Variants in RIMS1 observed in about 807,000 individuals in gnomAD.
The protein encoded by RIMS1 is regulating synaptic membrane exocytosis protein 1.
In RIMS1, 83 loss-of-function variants were observed where a neutral mutation model predicts 214.1. The observed-to-expected ratio is 0.39, with a 90% CI of 0.32 to 0.47. The LOEUF is 0.47. Among genes scored for constraint, RIMS1 ranks in the 20% least tolerant of loss-of-function variants. The pLI is 0.99. For synonymous variants in RIMS1, 793 were observed against 786.8 expected (o/e 1.01, Z -0.13); for missense variants, 2,050 against 2,161.8 (o/e 0.95, Z 1.03).
At chr6:72,286,901 G>A (rs1468606125) in intron 24 of RIMS1, among the ~76,000 whole-genome samples, 2 of 152,160 alleles carry the variant, frequency 1.3e-5, no homozygotes, top group African/African-American at 4.8e-5. Context: ...ATGACAGATA[G>A]CCTTTTAAGA....
Position 71,922,426 on chromosome 6 carries a change from G to A in RIMS1, c.164+35239G>A, listed in dbSNP as rs541280358. Among the ~76,000 whole-genome samples, 3 of 152,234 alleles carry A rather than the reference G, an allele frequency of 2.0e-5. No individual in the cohort carries two copies. The East Asian group carries it at 5.8e-4, about 29-fold the overall frequency. ...ACTCATGCCATATTTGTCTTTCTGT[G>A]TGTGGCTTATTTTTGAGGCAGGTGG... On this transcript the variant is annotated intron_variant, in intron 1 of 33. Coordinates refer to ENST00000521978, the MANE Select transcript of RIMS1 (RefSeq NM_014989.7).
chr6:72,176,090 TTGTG>T (rs939309820), intron 4 of RIMS1, among the ~76,000 whole-genome samples: 2 of 152,172 alleles, frequency 1.3e-5, no homozygotes, highest in Non-Finnish European at 2.9e-5. Context: ...TGAATTGAGT[TTGTG>T]TGTGATTGCT....
At chr6:72,245,749 G>T (rs1341966946) in intron 10 of RIMS1, 66 bp from the exon 11 acceptor site, 2 of 1,223,170 alleles carry the variant, frequency 1.6e-6, no homozygotes, top group Non-Finnish European at 2.4e-6. Context: ...ACGTATAATG[G>T]GCTATGATTG....
intron 2 of RIMS1, among the ~76,000 whole-genome samples, chr6:72,071,427 A>G (rs531655732): frequency 6.6e-6 from 1 of 152,162 alleles, no homozygotes; most frequent in South Asian, 2.1e-4. Context: ...AAGAAAGAAA[A>G]CTTGGAGAAA....
Position 72,083,591 on chromosome 6 carries a change from C to T in RIMS1, c.246-13358C>T, listed in dbSNP as rs1319242347. Among the ~76,000 whole-genome samples the T allele has an allele frequency of 2.0e-5, 3 of 152,194 alleles. No individual in the cohort carries two copies. The East Asian group carries it at 5.8e-4, about 29-fold the overall frequency. On this transcript the variant is annotated intron_variant, in intron 2 of 33. Coordinates refer to ENST00000521978, the MANE Select transcript of RIMS1 (RefSeq NM_014989.7). The stretch of plus-strand genomic sequence containing the variant: ...AAATCCTGCCAGTCATCACTGCCTC[C>T]CAAAGTTATCAGCTAAGTGTACTCA...
intron 4 of RIMS1, among the ~76,000 whole-genome samples, chr6:72,132,336 C>T (rs1185815594): frequency 6.6e-6 from 1 of 152,212 alleles, no homozygotes. Context: ...GATATCTTCA[C>T]AATCCATGTT....
chr6:72,332,089 ATCC>A (rs2096679870), intron 28 of RIMS1, among the ~76,000 whole-genome samples: 1 of 151,844 alleles, frequency 6.6e-6, no homozygotes, highest in Non-Finnish European at 1.5e-5. Flanking sequence ...TTGTTACATA[ATCC>A]CAACACTTTC....
intron 2 of RIMS1, among the ~76,000 whole-genome samples, chr6:71,995,710 C>T (rs1803212594): frequency 6.6e-6 from 1 of 152,124 alleles, no homozygotes; most frequent in South Asian, 2.1e-4. Flanking sequence ...TGGCTGCCAT[C>T]TTATGTCCTC....
At chr6:72,259,218 A>G (rs549195695) in intron 18 of RIMS1, 107 bp downstream of exon 18, 7 of 828,064 alleles carry the variant, frequency 8.5e-6, no homozygotes, top group Admixed American at 3.0e-5. Context: ...TTATCACTCA[A>G]AAATGAGCTG....
chr6:72,342,600 A>T (rs2097130629), intron 29 of RIMS1, among the ~76,000 whole-genome samples: 1 of 150,328 alleles, frequency 6.7e-6, no homozygotes. Flanking sequence ...AGACTCTGTA[A>T]TTGAGGGAGT....
intron 2 of RIMS1, among the ~76,000 whole-genome samples, chr6:72,064,510 G>A (rs996161300): frequency 2.8e-4 from 43 of 152,180 alleles, no homozygotes; most frequent in African/African-American, 1.0e-3. Context: ...GGTAGGGAAG[G>A]AAGGAAGAAA....
At chr6:72,348,615 A>T (rs1264968721) in intron 29 of RIMS1, among the ~76,000 whole-genome samples, 1 of 151,872 alleles carries the variant, frequency 6.6e-6, no homozygotes, top group Non-Finnish European at 1.5e-5. Flanking sequence ...GTACATTTGC[A>T]GGTTTGTTAC....
At position 72,178,335 on chromosome 6, in the gene RIMS1, G is replaced by C. The variant is rs184812291; in HGVS notation, c.472-1240G>C. On this transcript the variant is annotated intron_variant, in intron 4 of 33. Transcript: ENST00000521978. ...TATTTTAGCTTCATCTTATTCTATG[G>C]CTACAGTTACAGTTTTTCCCCATTT... Among the ~76,000 whole-genome samples the C allele has an allele frequency of 1.3e-4, 20 of 151,750 alleles. No homozygotes were observed. In the East Asian group the frequency reaches 3.7e-3, roughly 28 times the overall value.
At chr6:72,040,275 A>C (rs481951) in intron 2 of RIMS1, among the ~76,000 whole-genome samples, 118,887 of 151,884 alleles carry the variant, frequency 0.78, 47,337 homozygotes, top group African/African-American at 0.94. Context: ...TGAAGATAGA[A>C]CCTGGTGTCC....
At chr6:72,227,789 C>T (rs959083286) in intron 6 of RIMS1, among the ~76,000 whole-genome samples, 3 of 151,736 alleles carry the variant, frequency 2.0e-5, no homozygotes, top group Non-Finnish European at 2.9e-5. Flanking sequence ...CTTTGTCACA[C>T]CAATAACTTA....
intron 2 of RIMS1, among the ~76,000 whole-genome samples, chr6:72,017,029 T>A (rs556043419): frequency 1.3e-5 from 2 of 152,328 alleles, no homozygotes; most frequent in South Asian, 4.1e-4. Flanking sequence ...GTCCATTAAA[T>A]CTTTAAAAGA....
rs543981098 is a variant in RIMS1 at position 72,010,025 on chromosome 6, C to T, written c.245+40962C>T. 1.1e-3 allele frequency among the ~76,000 whole-genome samples: 172 copies of T among 151,872 alleles called. 1 individual carries two copies. The highest frequency in any genetic ancestry group is 4.1e-3 in the African/African-American group (170 of 41,490). ...AAACCTGGCAGAGACACAACAACAA[C>T]AAAAAAGAGAATTTTAGACCAATAT... is the stretch of plus-strand genomic sequence containing the variant. On this transcript the variant is annotated intron_variant, in intron 2 of 33. Coordinates refer to ENST00000521978, the MANE Select transcript of RIMS1 (RefSeq NM_014989.7).
chr6:72,202,772 A>G (rs938297737), intron 6 of RIMS1, among the ~76,000 whole-genome samples: 1 of 152,208 alleles, frequency 6.6e-6, no homozygotes, highest in Non-Finnish European at 1.5e-5. Flanking sequence ...ATCCCAGATC[A>G]TGAGGACATA....
At chr6:72,317,776 C>T (rs2095884853) in intron 28 of RIMS1, among the ~76,000 whole-genome samples, 1 of 152,052 alleles carries the variant, frequency 6.6e-6, no homozygotes, top group African/African-American at 2.4e-5. Flanking sequence ...CTACACTGTT[C>T]CGAACTTCAA....
Sources: allele counts gnomAD v4.1 joint callset (sites outside exome capture counted in the v4.1 genomes callset), GRCh38; gene constraint gnomAD v4.1.1; transcripts MANE v1.5; gene names NCBI Gene and HGNC (gene_info 2026-07-23, HGNC 2026-07-21).